The following MAPKAP1 variants were observed in gnomAD, a reference collection of about 807,000 sequenced individuals.
MAPKAP1 encodes target of rapamycin complex 2 subunit MAPKAP1.
Under a neutral mutation model 65.7 loss-of-function variants are expected in MAPKAP1, and 20 were observed. That is an observed-to-expected ratio of 0.30 (90% confidence interval 0.21 to 0.44). The LOEUF is 0.44. Among genes scored for constraint, MAPKAP1 ranks in the 20% least tolerant of loss-of-function variants. MAPKAP1 has a pLI of 1.00. For synonymous variants in MAPKAP1, 222 were observed against 244.3 expected (o/e 0.91, Z 0.85); for missense variants, 423 against 648.0 (o/e 0.65, Z 3.77).
chr9:125,701,945 CA>C (rs1207519611), intron 1 of MAPKAP1, among the ~76,000 whole-genome samples: 1 of 152,210 alleles, frequency 6.6e-6, no homozygotes, highest in Non-Finnish European at 1.5e-5. Context: ...AATCAATAAT[CA>C]AAACATTGTA....
At chr9:125,665,646 C>CA (rs200498543) in intron 3 of MAPKAP1, among the ~76,000 whole-genome samples, 3,229 of 147,200 alleles carry the variant, frequency 0.022, 169 homozygotes, top group East Asian at 0.16. Flanking sequence ...AAACAAAAAA[C>CA]AAAAAAAAAA....
intron 4 of MAPKAP1, among the ~76,000 whole-genome samples, chr9:125,592,270 T>C (rs1188828849): frequency 6.6e-6 from 1 of 152,206 alleles, no homozygotes; most frequent in Non-Finnish European, 1.5e-5. Context: ...GCCTCTTAGA[T>C]ATAAAAATGT....
chr9:125,645,736 C>CA (rs1044199278), intron 4 of MAPKAP1, among the ~76,000 whole-genome samples: 4,543 of 53,304 alleles, frequency 0.085, 203 homozygotes, highest in African/African-American at 0.16. Context: ...GACTCTGTCT[C>CA]AAAAAAAAAA....
chr9:125,649,647 A>C (rs1792028636), intron 4 of MAPKAP1, among the ~76,000 whole-genome samples: 1 of 152,072 alleles, frequency 6.6e-6, no homozygotes, highest in Non-Finnish European at 1.5e-5. Flanking sequence ...CTCAAAAAGC[A>C]CTGCCTCAGA....
intron 8 of MAPKAP1, among the ~76,000 whole-genome samples, chr9:125,496,867 G>T (rs556508498): frequency 6.6e-6 from 1 of 152,110 alleles, no homozygotes; most frequent in Non-Finnish European, 1.5e-5. Context: ...GATGTGAGGG[G>T]CTCAGGAGGC....
intron 1 of MAPKAP1, among the ~76,000 whole-genome samples, chr9:125,693,874 T>C (rs12352311): frequency 0.34 from 43,089 of 126,474 alleles, 7,660 homozygotes; most frequent in Middle Eastern, 0.42. Flanking sequence ...CACACACACA[T>C]ATATATATAG....
At chr9:125,573,387 C>T (rs1831298974) in intron 5 of MAPKAP1, among the ~76,000 whole-genome samples, 1 of 152,148 alleles carries the variant, frequency 6.6e-6, no homozygotes, top group South Asian at 2.1e-4. Flanking sequence ...TGACAGTTTA[C>T]AAATGCCATG....
At chr9:125,466,351 G>A (rs1352986529) in intron 10 of MAPKAP1, among the ~76,000 whole-genome samples, 5 of 152,136 alleles carry the variant, frequency 3.3e-5, no homozygotes, top group East Asian at 1.9e-4. Context: ...TGCCATAGGG[G>A]ACAGGGACTT....
intron 4 of MAPKAP1, among the ~76,000 whole-genome samples, chr9:125,645,548 C>T (rs1026465885): frequency 2.0e-5 from 3 of 151,994 alleles, no homozygotes; most frequent in South Asian, 2.1e-4. Flanking sequence ...ACCAGCCTGG[C>T]CAACATGGTG....
chr9:125,439,258 C>T lies in MAPKAP1; in HGVS notation c.1444-246G>A, dbSNP rs932504071. Among the ~76,000 whole-genome samples the T allele has an allele frequency of 1.3e-4, 20 of 152,228 alleles. No individual in the cohort carries two copies. Among genetic ancestry groups the T allele is most frequent in the South Asian group, 4.1e-4 (2 of 4,836 alleles). On this transcript the variant is annotated intron_variant, in intron 11 of 11. Transcript: ENST00000265960. The surrounding 1 kb of genome is among the most constrained non-coding windows in gnomAD (Gnocchi z 4.0). ...CAGTCCAGGCTTCCCAGTCAGTGAG[C>T]GGCGAGCTCTTCAGGTTCCGGAGCC...
chr9:125,540,521 C>T (rs190792169), intron 7 of MAPKAP1, among the ~76,000 whole-genome samples: 1 of 152,334 alleles, frequency 6.6e-6, no homozygotes, highest in East Asian at 1.9e-4. Context: ...GGTATTTCCC[C>T]CCTTCTTCAC....
intron 8 of MAPKAP1, among the ~76,000 whole-genome samples, chr9:125,488,329 T>A (rs1009594837): frequency 6.6e-6 from 1 of 152,120 alleles, no homozygotes; most frequent in Non-Finnish European, 1.5e-5. Flanking sequence ...ATGAATGGGA[T>A]CAACTTCTGG....
intron 10 of MAPKAP1, among the ~76,000 whole-genome samples, chr9:125,449,606 A>G (rs945871132): frequency 6.6e-6 from 1 of 152,172 alleles, no homozygotes; most frequent in Non-Finnish European, 1.5e-5. Flanking sequence ...AAGTTTTTCA[A>G]AGTAAGACAG....
chr9:125,598,993 C>T (rs527987973), intron 4 of MAPKAP1, among the ~76,000 whole-genome samples: 1 of 149,342 alleles, frequency 6.7e-6, no homozygotes, highest in Non-Finnish European at 1.5e-5. Context: ...TGAGCCAGCA[C>T]TGCACTCTAG....
chr9:125,519,933 G>T (rs1030378173), intron 7 of MAPKAP1, among the ~76,000 whole-genome samples: 1 of 152,126 alleles, frequency 6.6e-6, no homozygotes, highest in Non-Finnish European at 1.5e-5. Context: ...TGTGGGTAGA[G>T]AAAAGGTCTG....
At chr9:125,664,586 G>C (rs1053764032) in intron 3 of MAPKAP1, among the ~76,000 whole-genome samples, 1 of 150,538 alleles carries the variant, frequency 6.6e-6, no homozygotes, top group African/African-American at 2.4e-5. Context: ...TTAGCCAGGC[G>C]TGGTGGCAGA....
chr9:125,638,155 CAA>C (rs1489116793), intron 4 of MAPKAP1, among the ~76,000 whole-genome samples: 3 of 152,230 alleles, frequency 2.0e-5, no homozygotes, highest in African/African-American at 7.2e-5. Flanking sequence ...CTCTGATTGT[CAA>C]GTGGAGGAGT....
At chr9:125,478,175 A>G (rs964766152) in intron 9 of MAPKAP1, 1 of 152,208 alleles carries the variant, frequency 6.6e-6, no homozygotes, top group Admixed American at 6.5e-5. Context: ...GTGGCTGATA[A>G]ACAACATCTA....
intron 4 of MAPKAP1, among the ~76,000 whole-genome samples, chr9:125,635,068 G>A (rs1428816691): frequency 6.6e-6 from 1 of 152,096 alleles, no homozygotes; most frequent in Non-Finnish European, 1.5e-5. Context: ...TCATTCTCTT[G>A]GGCACTAATC....
Sources: gnomAD v4.1 joint callset for allele counts (sites outside exome capture counted in the v4.1 genomes callset) on GRCh38, gnomAD v4.1.1 for gene constraint, Gnocchi (gnomAD v3.1) non-coding constraint, MANE v1.5 for transcripts, NCBI Gene and HGNC (gene_info 2026-07-23, HGNC 2026-07-21) for gene names.